DPY19L1: variants seen among roughly 807,000 people sequenced by gnomAD.
The protein encoded by DPY19L1 is dpy-19 like C-mannosyltransferase 1.
DPY19L1 carries 35 observed loss-of-function variants against 96.9 expected under a neutral mutation model. The ratio of observed to expected loss-of-function variants is 0.36; its 90% CI spans 0.28 to 0.48. The LOEUF is 0.48. Among genes scored for constraint, DPY19L1 ranks in the 20% least tolerant of loss-of-function variants. The pLI, the probability that DPY19L1 is intolerant of heterozygous loss-of-function variation, is 0.99. For synonymous variants in DPY19L1, 205 were observed against 252.6 expected, an observed-to-expected ratio of 0.81 and a Z score of 1.79; for missense variants, 521 against 777.9, an observed-to-expected ratio of 0.67 and a Z score of 3.93.
intron 1 of DPY19L1, among the ~76,000 whole-genome samples, chr7:35,036,870 G>C (rs867500178): frequency 6.6e-6 from 1 of 151,830 alleles, no homozygotes; most frequent in Non-Finnish European, 1.5e-5. Flanking sequence ...GGCAGAGCGC[G>C]GGTGGGAAGC....
intron 6 of DPY19L1, among the ~76,000 whole-genome samples, chr7:34,994,507 C>T (rs1267948006): frequency 6.6e-6 from 1 of 152,082 alleles, no homozygotes; most frequent in East Asian, 1.9e-4. Context: ...ACAAAAGACT[C>T]ACAAATCCAA....
At chr7:35,029,290 C>A (rs1201085206) in intron 1 of DPY19L1, among the ~76,000 whole-genome samples, 1 of 152,134 alleles carries the variant, frequency 6.6e-6, no homozygotes, top group Non-Finnish European at 1.5e-5. Flanking sequence ...GTTTTAAGAA[C>A]AAATGGCTAG....
chr7:35,023,705 G>T (rs1407793589), intron 1 of DPY19L1, among the ~76,000 whole-genome samples: 1 of 152,074 alleles, frequency 6.6e-6, no homozygotes, highest in African/African-American at 2.4e-5. Context: ...TTGAACCCAG[G>T]TGTCCTAATT....
At position 35,037,149 on chromosome 7, in the gene DPY19L1, C is replaced by G. The variant is rs1459754909; in HGVS notation, c.246G>C (p.Ala82=). 1 of 189,578 alleles carries G rather than the reference C, an allele frequency of 5.3e-6. No homozygotes were observed. Among genetic ancestry groups the G allele is most frequent in the Non-Finnish European group, 1.1e-5 (1 of 93,292 alleles). 11.7% of individuals were successfully genotyped at this position (189,578 alleles called of 1,614,324 possible). A position where few individuals can be genotyped will look rare whatever the true frequency, so the allele number is the denominator to read the frequency against. The change falls in exon 1 of 22, where the codon GCG becomes GCC. Residue 82 remains alanine, a synonymous_variant. Coordinates refer to ENST00000638088, the MANE Select transcript of DPY19L1 (RefSeq NM_001366673.1). The part of the protein sequence containing the change: ...GGRLAARLRW[A]LGLRRAGRGR... ...CGCGCCCCGCGCGCCGCAGGCCCAGCGCCCAGCGCAGCCGGGCGGCCAGGC... is the reference window on the plus strand; with the variant it reads ...CGCGCCCCGCGCGCCGCAGGCCCAGGGCCCAGCGCAGCCGGGCGGCCAGGC...
chr7:34,946,469 C>T (rs932512815), intron 15 of DPY19L1, among the ~76,000 whole-genome samples: 3 of 152,200 alleles, frequency 2.0e-5, no homozygotes, highest in Admixed American at 6.5e-5. Context: ...CTTCTTTAAA[C>T]GAAACAGCCT....
chr7:34,959,927 A>ATATATATATATATATAAATATATATATT (rs1784466001), intron 10 of DPY19L1, among the ~76,000 whole-genome samples: 24 of 27,372 alleles, frequency 8.8e-4, no homozygotes, highest in African/African-American at 7.5e-3. Flanking sequence ...ATATATATTT[A>ATATATATATATATATAAATATATATATT]TATATATATA....
Position 34,941,818 on chromosome 7 carries a change from G to C in DPY19L1, c.1636C>G (p.Leu546Val), listed in dbSNP as rs1271272415. The change falls in exon 18 of 22, where the codon CTC (leucine) becomes GTC (valine). Residue 546 changes from leucine (L) to valine (V), a missense_variant. Physicochemically the swap from Leu to Val is conservative, Grantham distance 32 (BLOSUM62 1). Coordinates refer to ENST00000638088, the MANE Select transcript of DPY19L1 (RefSeq NM_001366673.1). ...ALGILIMRLK[L>V]FLTPHMCVMA... ...ACACACATGTGTGGTGTCAAGAAGA[G>C]TTTTAGTCTCATAATTAAAATACCA... 1 of 1,588,946 alleles carries C rather than the reference G, an allele frequency of 6.3e-7. No individual in the cohort carries two copies. The highest frequency in any genetic ancestry group is 1.2e-5 in the South Asian group (1 of 86,954).
At chr7:34,996,636 A>G (rs1439528277) in intron 6 of DPY19L1, among the ~76,000 whole-genome samples, 1 of 151,722 alleles carries the variant, frequency 6.6e-6, no homozygotes. Context: ...CTCCCTCTAC[A>G]CTGCAGAGTG....
At chr7:35,013,547 C>T in intron 4 of DPY19L1, 21 bp downstream of exon 4, 1 of 1,601,338 alleles carries the variant, frequency 6.2e-7, no homozygotes, top group Non-Finnish European at 8.5e-7. Context: ...TGAAAAATCA[C>T]AATTGGAAAA....
chr7:34,952,054 A>T (rs1204329529), intron 13 of DPY19L1, among the ~76,000 whole-genome samples: 2 of 142,804 alleles, frequency 1.4e-5, no homozygotes, highest in East Asian at 4.0e-4. Flanking sequence ...GTTAACATTG[A>T]ATTACTAAAC....
intron 8 of DPY19L1, among the ~76,000 whole-genome samples, chr7:34,970,440 G>A (rs140214224): frequency 1.4e-4 from 22 of 152,258 alleles, no homozygotes; most frequent in Admixed American, 3.9e-4. Flanking sequence ...ATTTAAAAAT[G>A]CAGATCAGCA....
At chr7:34,963,120 G>A (rs1271630960) in intron 10 of DPY19L1, among the ~76,000 whole-genome samples, 4 of 150,024 alleles carry the variant, frequency 2.7e-5, no homozygotes, top group South Asian at 2.1e-4. Flanking sequence ...GCTTGAACCC[G>A]GGAGGCGGAG....
At chr7:34,939,669 A>G (rs1258267086) in intron 19 of DPY19L1, among the ~76,000 whole-genome samples, 2 of 152,220 alleles carry the variant, frequency 1.3e-5, no homozygotes, top group Admixed American at 1.3e-4. Flanking sequence ...TCTAAAAAAG[A>G]AGTATCAAAT....
chr7:34,957,806 CTTGT>C (rs1170039561), intron 11 of DPY19L1, among the ~76,000 whole-genome samples, 174 bp downstream of exon 11: 1 of 144,162 alleles, frequency 6.9e-6, no homozygotes, highest in Admixed American at 7.8e-5. Context: ...CTAATTTTTC[CTTGT>C]TTTTTTTTTC....
At chr7:35,006,041 T>G (rs1180404753) in intron 6 of DPY19L1, among the ~76,000 whole-genome samples, 5 of 152,192 alleles carry the variant, frequency 3.3e-5, no homozygotes, top group Non-Finnish European at 7.3e-5. Context: ...ATCTCAGTAT[T>G]GTACTCCCTC....
At chr7:35,037,830 C>T (rs1202687388), upstream of DPY19L1, 2 of 1,230,448 alleles carry the variant, frequency 1.6e-6, no homozygotes, top group East Asian at 3.2e-5. Flanking sequence ...CTTCGGCGCC[C>T]GCGCGGGGCT....
rs76586610 is a variant in DPY19L1, at chr7:34,948,080, A to AAC, written c.1423-381_1423-380dup. Reference sequence around the variant, plus strand: ...TGGGGGATAAAAATATTATCCTTGAAACACACACACACACACTTTCTCACG... The same window carrying AAC: ...TGGGGGATAAAAATATTATCCTTGAAACACACACACACACACACTTTCTCACG... On this transcript the variant is annotated intron_variant, in intron 14 of 21. Transcript: ENST00000638088. Among the ~76,000 whole-genome samples the AAC allele has an allele frequency of 1.5e-3, 226 of 151,780 alleles. 1 individual carries two copies. The highest frequency in any genetic ancestry group is 0.01 in the Middle Eastern group (3 of 294).
intron 3 of DPY19L1, among the ~76,000 whole-genome samples, chr7:35,016,852 A>C (rs755779066): frequency 1.3e-5 from 2 of 152,252 alleles, no homozygotes; most frequent in Non-Finnish European, 2.9e-5. Context: ...TATAGGACAA[A>C]TCAGCTGGAT....
intron 11 of DPY19L1, among the ~76,000 whole-genome samples, chr7:34,956,293 CA>C (rs1472665770): frequency 2.0e-5 from 3 of 151,156 alleles, no homozygotes; most frequent in African/African-American, 7.3e-5. Flanking sequence ...GTAAAATATA[CA>C]ACTGAGTACT....
Sources: gnomAD v4.1 joint callset for allele counts (sites outside exome capture counted in the v4.1 genomes callset) on GRCh38, gnomAD v4.1.1 for gene constraint, MANE v1.5 for transcripts, NCBI Gene and HGNC (gene_info 2026-07-23, HGNC 2026-07-21) for gene names.